The following EPN2 variants were observed in gnomAD, a reference collection of about 807,000 sequenced individuals.
The protein encoded by EPN2 is epsin-2.
EPN2 carries 34 observed loss-of-function variants against 61.7 expected under a neutral mutation model. The ratio of observed to expected loss-of-function variants is 0.55; its 90% CI spans 0.42 to 0.73. EPN2 has a LOEUF of 0.73. Ranked by LOEUF, EPN2 falls within the 30% of genes least tolerant of loss-of-function variation. The pLI is 0.00. For synonymous variants in EPN2, 349 were observed against 353.6 expected, an observed-to-expected ratio of 0.99 and a Z score of 0.15; for missense variants, 714 against 839.2, an observed-to-expected ratio of 0.85 and a Z score of 1.84.
chr17:19,271,292 C>T (rs993425056), intron 1 of EPN2, among the ~76,000 whole-genome samples: 6 of 151,912 alleles, frequency 3.9e-5, no homozygotes, highest in Admixed American at 6.6e-5. Context: ...GGAGGCCATG[C>T]GATCTGAGTG....
Position 19,334,154 on chromosome 17 carries a change from T to C in EPN2, c.1826T>C (p.Leu609Pro), listed in dbSNP as rs1228508404. 6.2e-7 allele frequency: 1 copy of C among 1,603,566 alleles called. No individual in the cohort carries two copies. Among genetic ancestry groups the C allele is most frequent in the Non-Finnish European group, 8.5e-7 (1 of 1,174,574 alleles). Reference protein sequence around the residue: ...QPALGATGSSLTPLGPAMMNM... With the variant: ...QPALGATGSSPTPLGPAMMNM... The stretch of plus-strand genomic sequence containing the variant: ...GCTCTGGGGGCCACTGGTTCCTCTC[T>C]GACACCACTGGGCCCTGCAATGATG... Residue 609 changes from leucine to proline, a missense_variant, in exon 11 of 11, where the codon CTG becomes CCG. Around this residue, in one of 2 missense-constraint regions of EPN2, gnomAD observed 410 missense variants for 421.8 expected, o/e 0.97. Coordinates refer to ENST00000314728, the MANE Select transcript of EPN2 (RefSeq NM_014964.5). The surrounding 1 kb of genome is among the most constrained non-coding windows in gnomAD (Gnocchi z 4.9).
intron 1 of EPN2, among the ~76,000 whole-genome samples, chr17:19,275,404 AC>A (rs2045296160): frequency 6.6e-6 from 1 of 152,204 alleles, no homozygotes; most frequent in African/African-American, 2.4e-5. Context: ...AGAGGTGCAG[AC>A]CACGTGTTGT....
intron 1 of EPN2, among the ~76,000 whole-genome samples, chr17:19,241,859 T>C (rs565446881): frequency 7.7e-4 from 117 of 152,246 alleles, no homozygotes; most frequent in African/African-American, 2.8e-3. Context: ...ACAGCCAGGA[T>C]TCAAAGTGAA....
At chr17:19,312,726 G>C (rs1369252917) in intron 6 of EPN2, among the ~76,000 whole-genome samples, 1 of 152,250 alleles carries the variant, frequency 6.6e-6, no homozygotes. Flanking sequence ...GGTCTTGAGA[G>C]TGGGGAGCAT....
chr17:19,267,152 A>G (rs1403283233), intron 1 of EPN2, among the ~76,000 whole-genome samples: 3 of 151,948 alleles, frequency 2.0e-5, no homozygotes, highest in Non-Finnish European at 2.9e-5. Context: ...ATGTTCACAT[A>G]TTATTTCATT....
chr17:19,253,372 C>G (rs2045035671), intron 1 of EPN2, among the ~76,000 whole-genome samples: 1 of 145,470 alleles, frequency 6.9e-6, no homozygotes, highest in African/African-American at 2.5e-5. Context: ...GTGGTGGACA[C>G]TTGGGTTGTT....
intron 7 of EPN2, among the ~76,000 whole-genome samples, chr17:19,316,053 C>T (rs995359818): frequency 1.3e-5 from 2 of 152,164 alleles, no homozygotes; most frequent in African/African-American, 2.4e-5. Flanking sequence ...AATGTTATAG[C>T]GTGTGTCAGT....
intron 1 of EPN2, among the ~76,000 whole-genome samples, chr17:19,272,379 C>T (rs983601786): frequency 3.3e-5 from 5 of 152,122 alleles, no homozygotes; most frequent in African/African-American, 1.2e-4. Flanking sequence ...ACGTCTGCTG[C>T]TTGGCTGTGG....
At chr17:19,286,582 C>T (rs1265167473) in intron 4 of EPN2, among the ~76,000 whole-genome samples, 1 of 152,198 alleles carries the variant, frequency 6.6e-6, no homozygotes, top group Non-Finnish European at 1.5e-5. Flanking sequence ...TTCTCTTCTA[C>T]TCTTCTTACA....
chr17:19,288,657 G>C (rs1024968143), intron 4 of EPN2, among the ~76,000 whole-genome samples: 1 of 152,200 alleles, frequency 6.6e-6, no homozygotes, highest in Non-Finnish European at 1.5e-5. Flanking sequence ...TGGGGGTGGA[G>C]CGTGGCAGAG....
intron 7 of EPN2, among the ~76,000 whole-genome samples, chr17:19,323,692 C>T (rs938057711): frequency 1.3e-5 from 2 of 152,140 alleles, no homozygotes; most frequent in Non-Finnish European, 2.9e-5. Context: ...AAAGCCATTG[C>T]TAGCAAAATC....
rs2045395378 is a variant in EPN2, at chr17:19,285,504, G to T, written c.596-116G>T. On this transcript the variant is annotated intron_variant, in intron 3 of 10. Coordinates refer to ENST00000314728, the MANE Select transcript of EPN2 (RefSeq NM_014964.5). This position sits in a 1 kb window ranked among gnomAD's most constrained non-coding sequence, Gnocchi z 4.5. Reference sequence around the variant, plus strand: ...CAGTGGGCTTTTCACAGCTTCCACCGCAGTGGGCTGCGGGGTTGACCCCGA... The same window carrying T: ...CAGTGGGCTTTTCACAGCTTCCACCTCAGTGGGCTGCGGGGTTGACCCCGA... The T allele has an allele frequency of 7.5e-7, 1 of 1,339,986 alleles. No individual in the cohort carries two copies. Among genetic ancestry groups the T allele is most frequent in the Non-Finnish European group, 9.6e-7 (1 of 1,044,196 alleles). The allele number at this position is 1,339,986 out of a possible 1,614,324, so 83.0% of individuals were successfully genotyped here.
At chr17:19,243,220 C>CTTTTT (rs71155386) in intron 1 of EPN2, among the ~76,000 whole-genome samples, 3 of 127,142 alleles carry the variant, frequency 2.4e-5, no homozygotes, top group African/African-American at 9.2e-5. Context: ...GAGAATGTGT[C>CTTTTT]TTTTTTTTTT....
intron 4 of EPN2, among the ~76,000 whole-genome samples, chr17:19,295,362 A>ACGCGCGCGCGCG (rs1182989127): frequency 1.7e-4 from 12 of 71,002 alleles, no homozygotes; most frequent in East Asian, 3.2e-4. Context: ...ACACACACAC[A>ACGCGCGCGCGCG]CACACGCGCG....
chr17:19,321,960 T>C (rs1329300870), intron 7 of EPN2, among the ~76,000 whole-genome samples: 4 of 152,092 alleles, frequency 2.6e-5, no homozygotes, highest in African/African-American at 9.7e-5. Context: ...ACCCACAAGG[T>C]GTCCTGTTGC....
intron 10 of EPN2, 66 bp downstream of exon 10, chr17:19,332,134 C>G (rs1907186314): frequency 1.7e-6 from 2 of 1,204,820 alleles, no homozygotes; most frequent in East Asian, 2.4e-5. Flanking sequence ...CAGCAGGCCT[C>G]TTGGGGGCTC....
chr17:19,246,332 G>A (rs1221000761), intron 1 of EPN2, among the ~76,000 whole-genome samples: 3 of 152,126 alleles, frequency 2.0e-5, no homozygotes, highest in Admixed American at 2.0e-4. Context: ...ACTCCAGCCT[G>A]GCGACAGAGC....
At chr17:19,241,397 C>T (rs1282863079) in intron 1 of EPN2, among the ~76,000 whole-genome samples, 1 of 152,044 alleles carries the variant, frequency 6.6e-6, no homozygotes, top group Non-Finnish European at 1.5e-5. Flanking sequence ...ACCATTCTGG[C>T]CAACATGGTG....
chr17:19,261,866 T>C (rs28582509), intron 1 of EPN2, among the ~76,000 whole-genome samples: 66,730 of 152,152 alleles, frequency 0.44, 21,484 homozygotes, highest in East Asian at 0.99. Context: ...TGGCACAAGC[T>C]TTTTGTTTTG....
Sources: allele counts gnomAD v4.1 joint callset (sites outside exome capture counted in the v4.1 genomes callset), GRCh38; gene constraint gnomAD v4.1.1; regional missense constraint gnomAD v4.1.1; non-coding constraint Gnocchi (gnomAD v3.1); transcripts MANE v1.5; gene names NCBI Gene and HGNC (gene_info 2026-07-23, HGNC 2026-07-21).